The following VIPR2 variants were observed in gnomAD, a reference collection of about 807,000 sequenced individuals.
The protein encoded by VIPR2 is vasoactive intestinal peptide receptor 2.
A neutral mutation model predicts 58.0 loss-of-function variants in VIPR2; 48 were observed. The ratio of observed to expected loss-of-function variants is 0.83; its 90% CI spans 0.66 to 1.05. VIPR2 has a LOEUF of 1.05. Among genes scored for constraint, VIPR2 ranks in the 50% least tolerant of loss-of-function variants. The probability of loss-of-function intolerance (pLI) is 0.00; values close to 1 mark genes in which losing one functional copy is unlikely to be tolerated. For missense variants in VIPR2, 534 were observed against 558.0 expected (o/e 0.96, Z 0.43); for synonymous variants, 243 against 235.2 (o/e 1.03, Z -0.30).
At chr7:159,058,847 C>T (rs1855475375) in intron 4 of VIPR2, among the ~76,000 whole-genome samples, 3 of 152,214 alleles carry the variant, frequency 2.0e-5, no homozygotes, top group Admixed American at 6.5e-5. Flanking sequence ...GAACACGACC[C>T]GCCACCATCA....
chr7:159,122,168 T>G (rs1206655149), intron 2 of VIPR2, among the ~76,000 whole-genome samples: 1 of 152,204 alleles, frequency 6.6e-6, no homozygotes, highest in Non-Finnish European at 1.5e-5. Context: ...TCAAGGGACA[T>G]GACGGGTGGC....
intron 2 of VIPR2, 96 bp downstream of exon 2, chr7:159,142,350 T>A: frequency 1.5e-5 from 12 of 807,214 alleles, no homozygotes; most frequent in South Asian, 5.6e-5. Flanking sequence ...TTTTTTTTTT[T>A]AAGATGCAGG....
intron 2 of VIPR2, among the ~76,000 whole-genome samples, chr7:159,132,725 G>A (rs1234813134): frequency 8.5e-5 from 13 of 152,082 alleles, no homozygotes; most frequent in African/African-American, 2.7e-4. Flanking sequence ...GTGAGTATCT[G>A]CAAACCACGC....
At chr7:159,119,655 G>T (rs890807742) in intron 2 of VIPR2, among the ~76,000 whole-genome samples, 2 of 152,240 alleles carry the variant, frequency 1.3e-5, no homozygotes, top group Non-Finnish European at 2.9e-5. Context: ...AGTGCCCGAG[G>T]TGAAGCAGCC....
chr7:159,074,017 C>A (rs886972415), intron 4 of VIPR2, among the ~76,000 whole-genome samples: 2 of 152,182 alleles, frequency 1.3e-5, no homozygotes, highest in African/African-American at 4.8e-5. Context: ...GCTTCTACCA[C>A]AAAATGTTTT....
rs146805730 is a variant in VIPR2 at position 159,028,802 on chromosome 7, G to A, written c.*1814C>T. The A allele has an allele frequency of 4.6e-4, 70 of 152,534 alleles. No homozygotes were observed. In the East Asian group the frequency reaches 8.9e-3, roughly 19 times the overall value. The allele number at this position is 152,534 out of a possible 1,614,324, so 9.4% of individuals were successfully genotyped here. A position where few individuals can be genotyped will look rare whatever the true frequency, so the allele number is the denominator to read the frequency against. On this transcript the variant is annotated 3_prime_UTR_variant, in exon 13 of 13. Coordinates refer to ENST00000262178, the MANE Select transcript of VIPR2 (RefSeq NM_003382.5). The stretch of plus-strand genomic sequence containing the variant: ...CTGGGCCGTTTACTCCCCAGTATCC[G>A]TCTGTGATGGATCCTCTGCGGCCCC...
chr7:159,135,850 G>A (rs13225056), intron 2 of VIPR2, among the ~76,000 whole-genome samples: 2,792 of 152,202 alleles, frequency 0.018, 44 homozygotes, highest in Non-Finnish European at 0.027. Flanking sequence ...GAGAGGATCA[G>A]CCAACGCATC....
Position 159,031,705 on chromosome 7 carries a change from T to G in VIPR2, c.1143+123A>C, listed in dbSNP as rs913130547. ...CTGATGGGGACACAGAACTGTGGGG[T>G]CCCGGGCAGTAACTCGAGCCCGCGG... On this transcript the variant is annotated intron_variant, in intron 12 of 12. Coordinates refer to ENST00000262178, the MANE Select transcript of VIPR2 (RefSeq NM_003382.5). This position sits in a 1 kb window ranked among gnomAD's most constrained non-coding sequence, Gnocchi z 4.0. 5.7e-5 allele frequency: 89 copies of G among 1,558,554 alleles called. No homozygotes were observed. The African/African-American group carries it at 1.0e-3, about 18-fold the overall frequency.
chr7:159,099,720 C>A lies in VIPR2; in HGVS notation c.357+4037G>T, dbSNP rs1858090833. On this transcript the variant is annotated intron_variant, in intron 4 of 12. Transcript: ENST00000262178. This position sits in a 1 kb window ranked among gnomAD's most constrained non-coding sequence, Gnocchi z 4.2. ...CTAGGTGCAGACGAAGATGAAGACT[C>A]AGAGGTGGTGCCTCCAACACACCGG... Among the ~76,000 whole-genome samples, 1 of 152,082 alleles carries A rather than the reference C, an allele frequency of 6.6e-6. No homozygotes were observed. Among genetic ancestry groups the A allele is most frequent in the Non-Finnish European group, 1.5e-5 (1 of 68,008 alleles).
intron 2 of VIPR2, among the ~76,000 whole-genome samples, chr7:159,118,590 C>T (rs1474986665): frequency 7.9e-5 from 12 of 152,208 alleles, no homozygotes; most frequent in Middle Eastern, 3.2e-3. Context: ...GAAACGTAGC[C>T]GCCATTCAAT....
At chr7:159,058,342 A>G (rs1855441015) in intron 5 of VIPR2, 139 bp downstream of exon 5, 2 of 695,742 alleles carry the variant, frequency 2.9e-6, no homozygotes, top group Admixed American at 2.4e-5. Flanking sequence ...TTAACATCAT[A>G]TTTAATGGCA....
At chr7:159,036,731 G>A in intron 7 of VIPR2, 21 bp downstream of exon 7, 3 of 1,604,710 alleles carry the variant, frequency 1.9e-6, no homozygotes, top group Non-Finnish European at 2.6e-6. Context: ...AGGGTTTGTG[G>A]GTGGGAAGGG....
chr7:159,034,424 G>A, intron 9 of VIPR2, 120 bp from the exon 10 acceptor site: 1 of 1,280,844 alleles, frequency 7.8e-7, no homozygotes, highest in Non-Finnish European at 1.1e-6. Context: ...CCTGGGAACT[G>A]CCTCTGGGGG....
chr7:159,062,576 T>C (rs1221864899), intron 4 of VIPR2, among the ~76,000 whole-genome samples: 2 of 152,092 alleles, frequency 1.3e-5, no homozygotes, highest in African/African-American at 4.8e-5. Context: ...CCCGGTGGGT[T>C]TGTGGTCTCG....
At position 159,096,756 on chromosome 7, in the gene VIPR2, G is replaced by T; in HGVS notation, c.357+7001C>A. The stretch of plus-strand genomic sequence containing the variant: ...TGACAGCTGAATGATTTCTGCCTGT[G>T]GCCAGATTTCTGCCCCTGCCTGAGG... On this transcript the variant is annotated intron_variant, in intron 4 of 12. Transcript: ENST00000262178. The surrounding 1 kb of genome is among the most constrained non-coding windows in gnomAD (Gnocchi z 5.5). 7.1e-7 allele frequency: 1 copy of T among 1,402,038 alleles called. No homozygotes were observed. Among genetic ancestry groups the T allele is most frequent in the Non-Finnish European group, 9.3e-7 (1 of 1,074,400 alleles). 86.8% of individuals were successfully genotyped at this position (1,402,038 alleles called of 1,614,324 possible). A position where few individuals can be genotyped will look rare whatever the true frequency, so the allele number is the denominator to read the frequency against.
intron 4 of VIPR2, among the ~76,000 whole-genome samples, chr7:159,073,914 CACAG>C (rs1856523643): frequency 6.6e-6 from 1 of 152,098 alleles, no homozygotes; most frequent in Non-Finnish European, 1.5e-5. Flanking sequence ...GGCATGAGTG[CACAG>C]ACAGACAACT....
chr7:159,088,678 G>A (rs138456420), intron 4 of VIPR2, among the ~76,000 whole-genome samples: 63 of 152,386 alleles, frequency 4.1e-4, no homozygotes, highest in Admixed American at 7.8e-4. Context: ...GCCACTGTCT[G>A]AGCTGGAGAG....
intron 6 of VIPR2, among the ~76,000 whole-genome samples, chr7:159,037,312 C>T (rs1854035265): frequency 6.6e-6 from 1 of 152,232 alleles, no homozygotes; most frequent in Non-Finnish European, 1.5e-5. Context: ...CAGCAAAGAA[C>T]CAGAAGAGCC....
Position 159,125,478 on chromosome 7 carries a change from C to T in VIPR2, c.152-15559G>A, listed in dbSNP as rs542198232. ...GGACTGGAAAGGCCACAGAGCTGGT[C>T]CAGGGCAGCCCAACCCTCTGGTTAC... On this transcript the variant is annotated intron_variant, in intron 2 of 12. Coordinates refer to ENST00000262178, the MANE Select transcript of VIPR2 (RefSeq NM_003382.5). Among the ~76,000 whole-genome samples, 4 of 152,312 alleles carry T rather than the reference C, an allele frequency of 2.6e-5. No individual in the cohort carries two copies. In the South Asian group the frequency reaches 8.3e-4, roughly 32 times the overall value.
Sources: gnomAD v4.1 joint callset for allele counts (sites outside exome capture counted in the v4.1 genomes callset) on GRCh38, gnomAD v4.1.1 for gene constraint, Gnocchi (gnomAD v3.1) non-coding constraint, MANE v1.5 for transcripts, NCBI Gene and HGNC (gene_info 2026-07-23, HGNC 2026-07-21) for gene names.